FAM149A: variants seen among roughly 807,000 people sequenced by gnomAD.
FAM149A encodes the protein protein FAM149A.
In FAM149A, 71 loss-of-function variants were observed where a neutral mutation model predicts 78.2. The observed-to-expected ratio is 0.91, with a 90% CI of 0.75 to 1.11. The LOEUF is 1.11. Among genes scored for constraint, FAM149A ranks in the 50% least tolerant of loss-of-function variants. FAM149A has a pLI of 0.00. For missense variants in FAM149A, 1,036 were observed against 971.0 expected, an observed-to-expected ratio of 1.07 and a Z score of -0.89; for synonymous variants, 446 against 410.5, an observed-to-expected ratio of 1.09 and a Z score of -1.04.
In FAM149A at chr4:186,105,264, C is replaced by A. The variant is rs1187771805; in HGVS notation, c.188C>A (p.Pro63His). Residue 63 changes from proline (P) to histidine (H), a missense_variant, in exon 1 of 14, where the codon CCC becomes CAC. Pro to His is a moderately conservative substitution (Grantham distance 77, BLOSUM62 -2). Around this residue, in one of 3 missense-constraint regions of FAM149A, gnomAD observed 316 missense variants for 241.9 expected, o/e 1.31. Coordinates refer to ENST00000389354, the MANE Select transcript of FAM149A (RefSeq NM_001367768.3). ...CTCCGCGCCCTGGCTCCGGACTCCC[C>A]CTCCGCCTCGCGGCGGTCGCCCGCC... 1.7e-6 allele frequency: 2 copies of A among 1,204,984 alleles called. No homozygotes were observed. The highest frequency in any genetic ancestry group is 2.1e-6 in the Non-Finnish European group (2 of 954,782). 74.6% of individuals were successfully genotyped at this position (1,204,984 alleles called of 1,614,324 possible).
intron 4 of FAM149A, 55 bp downstream of exon 4, chr4:186,152,100 T>G: frequency 1.3e-6 from 2 of 1,563,294 alleles, no homozygotes; most frequent in Admixed American, 1.7e-5. Context: ...CACCCACCCC[T>G]GACCTGCCTC....
In FAM149A at chr4:186,167,192, G is replaced by T. The variant is rs150961217; in HGVS notation, c.2148G>T (p.Thr716=). Residue 716 remains threonine (T), a synonymous_variant, in exon 13 of 14, where the codon ACG becomes ACT. Transcript: ENST00000389354. The stretch of plus-strand genomic sequence containing the variant: ...TATTTTTCTTCCAGCAGTCGGATAC[G>T]CCTCGAAAAAGTTCATTGACACAAA... 3 of 1,609,730 alleles carry T rather than the reference G, an allele frequency of 1.9e-6. No homozygotes were observed. Among genetic ancestry groups the T allele is most frequent in the African/African-American group, 2.7e-5 (2 of 74,856 alleles).
In FAM149A at chr4:186,158,931, C is replaced by T. The variant is rs544023957; in HGVS notation, c.1575+1212C>T. ...AGTTTCTATTTAAAACAATGATATT[C>T]GGGTCTGTTTGCAATGTGATTATTT... On this transcript the variant is annotated intron_variant, in intron 8 of 13. Transcript: ENST00000389354. 4.3e-5 allele frequency: 18 copies of T among 416,394 alleles called. No individual in the cohort carries two copies. The East Asian group carries it at 6.4e-4, about 15-fold the overall frequency. 25.8% of individuals were successfully genotyped at this position (416,394 alleles called of 1,614,324 possible).
chr4:186,123,851 C>A, intron 1 of FAM149A: 1 of 982,906 alleles, frequency 1.0e-6, no homozygotes. Context: ...AATAGTTAAG[C>A]AGCAAATATT....
At chr4:186,169,284 C>A in intron 13 of FAM149A, 2 of 985,286 alleles carry the variant, frequency 2.0e-6, no homozygotes, top group Non-Finnish European at 2.4e-6. Context: ...TTACAAAACA[C>A]AAAAATCCAC....
intron 1 of FAM149A, among the ~76,000 whole-genome samples, chr4:186,134,954 G>T (rs912884981): frequency 6.6e-6 from 1 of 152,226 alleles, no homozygotes; most frequent in African/African-American, 2.4e-5. Context: ...GTGGGAATGC[G>T]TTGGGAGGAC....
chr4:186,105,768 C>A, intron 1 of FAM149A, 126 bp downstream of exon 1: 1 of 598,728 alleles, frequency 1.7e-6, no homozygotes, highest in Non-Finnish European at 2.1e-6. Flanking sequence ...TCATAACCCC[C>A]TGGGCACCCT....
intron 1 of FAM149A, chr4:186,125,597 G>T (rs1236842018): frequency 1.6e-6 from 1 of 630,888 alleles, no homozygotes; most frequent in Non-Finnish European, 2.0e-6. Context: ...ACGAGGTAAA[G>T]GGAGAGTCAA....
intron 1 of FAM149A, chr4:186,132,855 C>A: frequency 4.5e-6 from 2 of 447,710 alleles, no homozygotes; most frequent in Non-Finnish European, 5.9e-6. Context: ...TTCCTTTTGG[C>A]ATCCTGAACT....
At chr4:186,139,209 A>G (rs182644902) in intron 1 of FAM149A, among the ~76,000 whole-genome samples, 27 of 152,162 alleles carry the variant, frequency 1.8e-4, no homozygotes, top group African/African-American at 6.0e-4. Context: ...GCACTTTCCT[A>G]CAGTCTGGCA....
At position 186,154,524 on chromosome 4, in the gene FAM149A, C is replaced by G; in HGVS notation, c.1115C>G (p.Pro372Arg). 6.2e-7 allele frequency: 1 copy of G among 1,614,122 alleles called. No individual in the cohort carries two copies. Reference sequence around the variant, plus strand: ...GCAGCACTCTCAGCCTCTGCCCTGCCAGGCCCTGATGACACAGGGGTTGCT... The same window carrying G: ...GCAGCACTCTCAGCCTCTGCCCTGCGAGGCCCTGATGACACAGGGGTTGCT... Residue 372 changes from proline (P) to arginine (R), a missense_variant, in exon 6 of 14, where the codon CCA becomes CGA. Physicochemically the swap from Pro to Arg is moderately radical, Grantham distance 103. Coordinates refer to ENST00000389354, the MANE Select transcript of FAM149A (RefSeq NM_001367768.3).
In FAM149A at chr4:186,108,767, C is replaced by T. The variant is rs1391456937; in HGVS notation, c.566+3125C>T. 2.0e-5 allele frequency among the ~76,000 whole-genome samples: 3 copies of T among 152,198 alleles called. No individual in the cohort carries two copies. In the East Asian group the frequency reaches 5.8e-4, roughly 29 times the overall value. Reference sequence around the variant, plus strand: ...TATGCCTCAGTGTTTTTCAGTCTCACTCATCCCTCTTCATTACCTCTTTTC... The same window carrying T: ...TATGCCTCAGTGTTTTTCAGTCTCATTCATCCCTCTTCATTACCTCTTTTC... On this transcript the variant is annotated intron_variant, in intron 1 of 13. Coordinates refer to ENST00000389354, the MANE Select transcript of FAM149A (RefSeq NM_001367768.3).
intron 1 of FAM149A, chr4:186,109,766 GA>G (rs2099310433): frequency 1.0e-6 from 1 of 982,584 alleles, no homozygotes; most frequent in Non-Finnish European, 1.2e-6. Context: ...AAAAAACAGA[GA>G]AAAATGATTC....
intron 8 of FAM149A, chr4:186,160,959 T>A (rs142340177): frequency 6.0e-6 from 5 of 831,484 alleles, no homozygotes; most frequent in East Asian, 1.2e-4. Flanking sequence ...GGTAGGAAGC[T>A]GTGAGAATTA....
At position 186,166,573 on chromosome 4, in the gene FAM149A, C is replaced by T. The variant is rs199577534; in HGVS notation, c.2011-395C>T. On this transcript the variant is annotated intron_variant, in intron 11 of 13. Transcript: ENST00000389354. Reference sequence around the variant, plus strand: ...GACTGAGGCAGGAGAATCGCTTGAACCCTGGAGGCCAAGGTTGCAGTGAGC... The same window carrying T: ...GACTGAGGCAGGAGAATCGCTTGAATCCTGGAGGCCAAGGTTGCAGTGAGC... 2.4e-4 allele frequency among the ~76,000 whole-genome samples: 36 copies of T among 151,156 alleles called. 1 individual carries two copies. In the East Asian group the frequency reaches 6.6e-3, roughly 28 times the overall value.
intron 4 of FAM149A, 22 bp from the exon 5 acceptor site, chr4:186,153,623 T>C: frequency 2.5e-6 from 4 of 1,598,270 alleles, no homozygotes; most frequent in Non-Finnish European, 3.4e-6. Context: ...AAAATGTCAG[T>C]AGCTTCTCTT....
At chr4:186,119,810 CA>C (rs1054140851) in intron 1 of FAM149A, among the ~76,000 whole-genome samples, 31 of 152,260 alleles carry the variant, frequency 2.0e-4, no homozygotes, top group African/African-American at 6.7e-4. Context: ...TCCCTAGTAT[CA>C]AACAGTGTGA....
chr4:186,109,866 A>G (rs1032727012), intron 1 of FAM149A: 3 of 985,264 alleles, frequency 3.0e-6, no homozygotes, highest in African/African-American at 3.5e-5. Context: ...ATCTTTCATC[A>G]TTACCTTCCC....
rs1732846413 is a variant in FAM149A, at chr4:186,144,735, C to CG, written c.567-4434dup. 1 of 858,044 alleles carries CG rather than the reference C, an allele frequency of 1.2e-6. No homozygotes were observed. The highest frequency in any genetic ancestry group is 1.8e-5 in the African/African-American group (1 of 54,292). 53.2% of individuals were successfully genotyped at this position (858,044 alleles called of 1,614,324 possible). On this transcript the variant is annotated intron_variant, in intron 1 of 13. Transcript: ENST00000389354. This position sits in a 1 kb window ranked among gnomAD's most constrained non-coding sequence, Gnocchi z 4.2. ...CCGGAGGTCGGCGCGGGGCCGGGGC[C>CG]GGGGCCGGGGCCCGGAGCGGGGATG...
Sources: gnomAD v4.1 joint callset for allele counts (sites outside exome capture counted in the v4.1 genomes callset) on GRCh38, gnomAD v4.1.1 for gene constraint, gnomAD v4.1.1 regional missense constraint, Gnocchi (gnomAD v3.1) non-coding constraint, MANE v1.5 for transcripts, NCBI Gene and HGNC (gene_info 2026-07-23, HGNC 2026-07-21) for gene names.